The following MAP2K5 variants were observed in gnomAD, a reference collection of about 807,000 sequenced individuals.
MAP2K5 encodes mitogen-activated protein kinase kinase 5.
Under a neutral mutation model 83.1 loss-of-function variants are expected in MAP2K5, and 49 were observed. The observed-to-expected ratio is 0.59, with a 90% CI of 0.47 to 0.75. The LOEUF (loss-of-function observed/expected upper bound fraction) is 0.75, where lower values mean the gene tolerates loss of function less well. MAP2K5 is among the 30% of genes least tolerant of loss of function. The pLI, the probability that MAP2K5 is intolerant of heterozygous loss-of-function variation, is 0.00. For missense variants in MAP2K5, 457 were observed against 557.5 expected (o/e 0.82, Z 1.82); for synonymous variants, 202 against 191.8 (o/e 1.05, Z -0.44).
At chr15:67,745,578 C>G (rs1347304678) in intron 17 of MAP2K5, among the ~76,000 whole-genome samples, 1 of 152,136 alleles carries the variant, frequency 6.6e-6, no homozygotes, top group African/African-American at 2.4e-5. Flanking sequence ...ATAAATACAG[C>G]CGAGTACATG....
At chr15:67,593,072 A>T (rs2085450473) in intron 7 of MAP2K5, 98 bp downstream of exon 7, 1 of 749,766 alleles carries the variant, frequency 1.3e-6, no homozygotes, top group Admixed American at 2.8e-5. Flanking sequence ...AGAGTCTGTG[A>T]GTTTCCTGTC....
intron 3 of MAP2K5, among the ~76,000 whole-genome samples, chr15:67,576,951 C>A (rs55908993): frequency 7.4e-6 from 1 of 135,426 alleles, no homozygotes; most frequent in African/African-American, 2.6e-5. Context: ...TTTTTTGAGA[C>A]GGAGTCTCGC....
intron 9 of MAP2K5, chr15:67,641,444 G>A: frequency 1.0e-6 from 1 of 996,952 alleles, no homozygotes; most frequent in South Asian, 4.7e-5. Flanking sequence ...TTTCCCTTTA[G>A]TGAAGTGTGT....
At chr15:67,804,426 C>G (rs1249221602) in intron 21 of MAP2K5, among the ~76,000 whole-genome samples, 1 of 152,222 alleles carries the variant, frequency 6.6e-6, no homozygotes, top group African/African-American at 2.4e-5. Context: ...GCCTCAGCAG[C>G]AGCAGGAGAC....
chr15:67,679,602 C>T (rs917616215), intron 13 of MAP2K5: 2 of 152,016 alleles, frequency 1.3e-5, no homozygotes, highest in African/African-American at 4.8e-5. Flanking sequence ...TGCGGTTTAT[C>T]AGGCCTAGAG....
intron 3 of MAP2K5, among the ~76,000 whole-genome samples, chr15:67,568,258 T>C (rs1322260693): frequency 6.6e-6 from 1 of 152,188 alleles, no homozygotes; most frequent in Non-Finnish European, 1.5e-5. Flanking sequence ...AGTATTCCCT[T>C]TGGTGTATTT....
intron 13 of MAP2K5, among the ~76,000 whole-genome samples, chr15:67,679,545 C>A (rs935083703): frequency 6.6e-6 from 1 of 152,072 alleles, no homozygotes; most frequent in African/African-American, 2.4e-5. Flanking sequence ...CTTAAATACA[C>A]AAAAGTAACA....
At chr15:67,716,449 G>C (rs889353199) in intron 16 of MAP2K5, among the ~76,000 whole-genome samples, 2 of 152,204 alleles carry the variant, frequency 1.3e-5, no homozygotes, top group African/African-American at 4.8e-5. Flanking sequence ...CAGTCTTCTG[G>C]TGACATGTCT....
At chr15:67,633,647 C>G (rs2086526142) in intron 9 of MAP2K5, among the ~76,000 whole-genome samples, 1 of 152,180 alleles carries the variant, frequency 6.6e-6, no homozygotes, top group Admixed American at 6.5e-5. Context: ...GATCATTAAA[C>G]TGGGCTTTAC....
chr15:67,762,853 G>A (rs1188828794), intron 19 of MAP2K5, among the ~76,000 whole-genome samples: 1 of 152,102 alleles, frequency 6.6e-6, no homozygotes, highest in African/African-American at 2.4e-5. Flanking sequence ...GGTAGGATGG[G>A]CCTTTCAGTG....
In MAP2K5 at chr15:67,725,654, G is replaced by T. The variant is rs536635116; in HGVS notation, c.1045-2262G>T. Among the ~76,000 whole-genome samples the T allele has an allele frequency of 2.6e-5, 4 of 152,304 alleles. No homozygotes were observed. The East Asian group carries it at 7.7e-4, about 29-fold the overall frequency. On this transcript the variant is annotated intron_variant, in intron 16 of 21. Transcript: ENST00000178640. ...CTTTGTAGTAGTTATTAAGCTATTA[G>T]CTTTTTTAGGTGTGAGACTCTCCTC... is the stretch of plus-strand genomic sequence containing the variant.
At chr15:67,611,918 C>G (rs543099779) in intron 8 of MAP2K5, among the ~76,000 whole-genome samples, 15 of 152,132 alleles carry the variant, frequency 9.9e-5, no homozygotes, top group Non-Finnish European at 1.9e-4. Flanking sequence ...TGTAGATGAC[C>G]AATATGAACA....
rs929026801 is a variant in MAP2K5, at chr15:67,774,725, A to G, written c.1242+1973A>G. ...CTGGAAGCCGAGAGACTCCTCTGGA[A>G]TGCATGAACTATAGAGCCCATTTGT... is the stretch of plus-strand genomic sequence containing the variant. On this transcript the variant is annotated intron_variant, in intron 21 of 21. Transcript: ENST00000178640. This position sits in a 1 kb window ranked among gnomAD's most constrained non-coding sequence, Gnocchi z 4.9. Among the ~76,000 whole-genome samples the G allele has an allele frequency of 1.3e-5, 2 of 152,214 alleles. No individual in the cohort carries two copies. The highest frequency in any genetic ancestry group is 4.8e-5 in the African/African-American group (2 of 41,454).
At chr15:67,704,457 G>T (rs1372466101) in intron 16 of MAP2K5, among the ~76,000 whole-genome samples, 1 of 152,160 alleles carries the variant, frequency 6.6e-6, no homozygotes, top group Non-Finnish European at 1.5e-5. Context: ...TTGCAATCAT[G>T]ATTTTGTAAC....
intron 13 of MAP2K5, among the ~76,000 whole-genome samples, chr15:67,669,536 G>A (rs2141163223): frequency 6.6e-6 from 1 of 152,168 alleles, no homozygotes; most frequent in South Asian, 2.1e-4. Context: ...ATCTGAGTGT[G>A]GGAGACAAGA....
At chr15:67,654,591 G>A (rs1408761904) in intron 11 of MAP2K5, among the ~76,000 whole-genome samples, 2 of 152,052 alleles carry the variant, frequency 1.3e-5, no homozygotes, top group African/African-American at 2.4e-5. Context: ...TGTCTTTCAT[G>A]TTCTGTTGTT....
intron 15 of MAP2K5, among the ~76,000 whole-genome samples, chr15:67,695,114 TG>T (rs1163781691): frequency 2.8e-5 from 2 of 70,644 alleles, no homozygotes; most frequent in Non-Finnish European, 5.6e-5. Context: ...TGTTGTGGGT[TG>T]GGGGGAGGGG....
In MAP2K5 at chr15:67,565,383, C is replaced by G. The variant is rs2084816670; in HGVS notation, c.252+2033C>G. On this transcript the variant is annotated intron_variant, in intron 3 of 21. Coordinates refer to ENST00000178640, the MANE Select transcript of MAP2K5 (RefSeq NM_145160.3). The surrounding 1 kb of genome is among the most constrained non-coding windows in gnomAD (Gnocchi z 4.1). ...TAGCTGGGATTACAGGCACCCACCA[C>G]CATGCCTGGCTAATTTTTGTATTTT... is the stretch of plus-strand genomic sequence containing the variant. 6.6e-6 allele frequency among the ~76,000 whole-genome samples: 1 copy of G among 152,070 alleles called. No homozygotes were observed. The highest frequency in any genetic ancestry group is 1.5e-5 in the Non-Finnish European group (1 of 68,014).
intron 13 of MAP2K5, among the ~76,000 whole-genome samples, chr15:67,674,438 A>G (rs2087628462): frequency 6.6e-6 from 1 of 152,158 alleles, no homozygotes; most frequent in South Asian, 2.1e-4. Flanking sequence ...GCGCTATAGT[A>G]GATTATAACT....
Sources: allele counts gnomAD v4.1 joint callset (sites outside exome capture counted in the v4.1 genomes callset), GRCh38; gene constraint gnomAD v4.1.1; non-coding constraint Gnocchi (gnomAD v3.1); transcripts MANE v1.5; gene names NCBI Gene and HGNC (gene_info 2026-07-23, HGNC 2026-07-21).